The following WDR70 variants were observed in gnomAD, a reference collection of about 807,000 sequenced individuals.
The protein encoded by WDR70 is WD repeat domain 70.
WDR70 carries 53 observed loss-of-function variants against 88.6 expected under a neutral mutation model. The ratio of observed to expected loss-of-function variants is 0.60; its 90% CI spans 0.48 to 0.75. The LOEUF (loss-of-function observed/expected upper bound fraction) is 0.75, where lower values mean the gene tolerates loss of function less well. Ranked by LOEUF, WDR70 falls within the 30% of genes least tolerant of loss-of-function variation. WDR70 has a pLI of 0.00. For missense variants in WDR70, 610 were observed against 823.2 expected (o/e 0.74, Z 3.17); for synonymous variants, 280 against 270.0 (o/e 1.04, Z -0.36).
chr5:37,500,986 G>A (rs1213366545), intron 8 of WDR70, among the ~76,000 whole-genome samples: 7 of 152,166 alleles, frequency 4.6e-5, no homozygotes, highest in South Asian at 2.1e-4. Flanking sequence ...TGATCAGCCC[G>A]CCTTGGCCTC....
intron 13 of WDR70, 62 bp from the exon 14 acceptor site, chr5:37,721,053 A>G: frequency 7.1e-7 from 1 of 1,414,332 alleles, no homozygotes; most frequent in South Asian, 1.2e-5. Flanking sequence ...TCAAAGTACC[A>G]GCAGGATTGT....
chr5:37,645,016 A>G (rs1399288298), intron 10 of WDR70, among the ~76,000 whole-genome samples: 1 of 151,204 alleles, frequency 6.6e-6, no homozygotes, highest in Non-Finnish European at 1.5e-5. Flanking sequence ...CTTTTCTACT[A>G]GTTTTGGGTT....
At chr5:37,751,692 C>T (rs1356996703) in intron 17 of WDR70, among the ~76,000 whole-genome samples, 1 of 152,072 alleles carries the variant, frequency 6.6e-6, no homozygotes, top group East Asian at 1.9e-4. Flanking sequence ...CTTCATAATG[C>T]GATAGAGCTG....
At chr5:37,485,029 G>T (rs1409070012) in intron 8 of WDR70, among the ~76,000 whole-genome samples, 1 of 152,220 alleles carries the variant, frequency 6.6e-6, no homozygotes, top group African/African-American at 2.4e-5. Flanking sequence ...GGGAAAGGTT[G>T]TAGATATAGG....
intron 13 of WDR70, among the ~76,000 whole-genome samples, chr5:37,720,329 G>A (rs1220607943): frequency 6.6e-6 from 1 of 152,058 alleles, no homozygotes; most frequent in Non-Finnish European, 1.5e-5. Flanking sequence ...ACTAACATTA[G>A]CTTCATCTTT....
At chr5:37,590,094 A>T (rs1054034915) in intron 9 of WDR70, among the ~76,000 whole-genome samples, 10 of 152,140 alleles carry the variant, frequency 6.6e-5, no homozygotes, top group African/African-American at 2.4e-4. Flanking sequence ...TTCCTTCAGA[A>T]ATGTTTAATT....
chr5:37,751,609 A>G (rs898454509), intron 17 of WDR70, among the ~76,000 whole-genome samples: 2 of 152,258 alleles, frequency 1.3e-5, no homozygotes, highest in Admixed American at 6.5e-5. Flanking sequence ...CCATTCTGGA[A>G]TTACGTGGAT....
intron 5 of WDR70, among the ~76,000 whole-genome samples, chr5:37,419,029 G>C (rs1216654373): frequency 2.1e-5 from 3 of 146,038 alleles, no homozygotes; most frequent in Non-Finnish European, 4.4e-5. Context: ...CTCCCAAAGT[G>C]CTGGGATTAC....
intron 3 of WDR70, among the ~76,000 whole-genome samples, chr5:37,382,101 GT>G (rs1187912874): frequency 7.6e-4 from 84 of 110,132 alleles, no homozygotes; most frequent in Non-Finnish European, 5.1e-4. Flanking sequence ...TATCACTGTT[GT>G]TTTTTTTTTT....
At chr5:37,387,647 GA>G (rs1173665678) in intron 3 of WDR70, among the ~76,000 whole-genome samples, 1 of 65,686 alleles carries the variant, frequency 1.5e-5, no homozygotes, top group Non-Finnish European at 3.6e-5. Context: ...TTATTCATAA[GA>G]GTTTTTTTTT....
chr5:37,490,833 G>A (rs1020141333), intron 8 of WDR70, among the ~76,000 whole-genome samples: 2 of 152,142 alleles, frequency 1.3e-5, no homozygotes, highest in African/African-American at 2.4e-5. Context: ...GATCCAGAGT[G>A]CTGGGGATAT....
intron 11 of WDR70, among the ~76,000 whole-genome samples, chr5:37,699,964 A>T (rs947566568): frequency 6.6e-5 from 9 of 135,946 alleles, no homozygotes; most frequent in South Asian, 2.6e-4. Flanking sequence ...AACAAAAAAC[A>T]AAAACAAAAA....
chr5:37,475,270 T>G (rs1298369254), intron 7 of WDR70, among the ~76,000 whole-genome samples: 2 of 143,788 alleles, frequency 1.4e-5, no homozygotes, highest in Non-Finnish European at 3.1e-5. Flanking sequence ...AGTTTCGCTT[T>G]TGTTGCCCAG....
At chr5:37,391,629 T>C (rs1319764658) in intron 3 of WDR70, among the ~76,000 whole-genome samples, 1 of 152,272 alleles carries the variant, frequency 6.6e-6, no homozygotes, top group Non-Finnish European at 1.5e-5. Context: ...TATTTCATTA[T>C]GTGGATATAC....
At chr5:37,485,591 A>T (rs879903388) in intron 8 of WDR70, among the ~76,000 whole-genome samples, 2 of 152,232 alleles carry the variant, frequency 1.3e-5, no homozygotes, top group African/African-American at 4.8e-5. Flanking sequence ...AGATGCATTA[A>T]ATAAACTTCA....
At chr5:37,645,744 G>GT (rs1745215304) in intron 10 of WDR70, among the ~76,000 whole-genome samples, 1 of 152,012 alleles carries the variant, frequency 6.6e-6, no homozygotes, top group South Asian at 2.1e-4. Context: ...GTCTCTTACA[G>GT]TTTTTTGTCA....
intron 9 of WDR70, among the ~76,000 whole-genome samples, chr5:37,574,973 C>T (rs1187893141): frequency 6.6e-6 from 1 of 152,178 alleles, no homozygotes; most frequent in African/African-American, 2.4e-5. Context: ...ATCATGTGGA[C>T]TCTGCAGTGG....
chr5:37,574,075 A>G (rs1433911235), intron 9 of WDR70, among the ~76,000 whole-genome samples: 1 of 152,180 alleles, frequency 6.6e-6, no homozygotes, highest in Non-Finnish European at 1.5e-5. Context: ...TCTAACACCT[A>G]TGGAAGTTGA....
chr5:37,453,265 C>T (rs1738728870), intron 7 of WDR70, among the ~76,000 whole-genome samples: 1 of 152,196 alleles, frequency 6.6e-6, no homozygotes. Context: ...AATCAGGGGT[C>T]TCACAGCCTT....
Sources: gnomAD v4.1 joint callset for allele counts (sites outside exome capture counted in the v4.1 genomes callset) on GRCh38, gnomAD v4.1.1 for gene constraint, MANE v1.5 for transcripts, NCBI Gene and HGNC (gene_info 2026-07-23, HGNC 2026-07-21) for gene names.